Variants in PPP2R3A observed in about 807,000 individuals in gnomAD.
PPP2R3A encodes the protein serine/threonine-protein phosphatase 2A regulatory subunit B'' subunit alpha.
Under a neutral mutation model 106.9 loss-of-function variants are expected in PPP2R3A, and 80 were observed. That is an observed-to-expected ratio of 0.75 (90% CI 0.62 to 0.90). The LOEUF (loss-of-function observed/expected upper bound fraction) is 0.90, where lower values mean the gene tolerates loss of function less well. PPP2R3A is among the 40% of genes least tolerant of loss of function. The pLI is 0.00. For missense variants in PPP2R3A, 1,386 were observed against 1,350.4 expected (o/e 1.03, Z -0.41); for synonymous variants, 483 against 468.3 (o/e 1.03, Z -0.41).
intron 13 of PPP2R3A, among the ~76,000 whole-genome samples, chr3:136,111,359 G>T (rs1271808974): frequency 6.6e-6 from 1 of 151,782 alleles, no homozygotes; most frequent in African/African-American, 2.4e-5. Context: ...TTCACTAGAA[G>T]AATAAAAATA....
intron 13 of PPP2R3A, among the ~76,000 whole-genome samples, chr3:136,136,073 ATT>A (rs1491108128): frequency 0.02 from 347 of 17,722 alleles, 8 homozygotes; most frequent in Non-Finnish European, 0.05. Context: ...AAAAAAAAAA[ATT>A]ATATATATAT....
At chr3:135,993,048 A>G (rs1184124383) in intron 1 of PPP2R3A, among the ~76,000 whole-genome samples, 1 of 152,218 alleles carries the variant, frequency 6.6e-6, no homozygotes, top group Non-Finnish European at 1.5e-5. Flanking sequence ...TTAAGGTAGT[A>G]TATATAAATG....
At chr3:136,070,600 T>C in intron 6 of PPP2R3A, 48 bp downstream of exon 6, 2 of 1,465,972 alleles carry the variant, frequency 1.4e-6, no homozygotes, top group Non-Finnish European at 1.9e-6. Flanking sequence ...AAGTCACCTT[T>C]TTATTACCAT....
intron 13 of PPP2R3A, among the ~76,000 whole-genome samples, chr3:136,112,630 G>C (rs181591676): frequency 6.6e-6 from 1 of 152,172 alleles, no homozygotes; most frequent in African/African-American, 2.4e-5. Flanking sequence ...AGAAATCACA[G>C]ACAACATTAA....
chr3:136,127,352 A>G (rs1467725643), intron 13 of PPP2R3A, among the ~76,000 whole-genome samples: 1 of 152,196 alleles, frequency 6.6e-6, no homozygotes, highest in Non-Finnish European at 1.5e-5. Flanking sequence ...ACCATGGCAC[A>G]AGAACTTCCT....
At chr3:136,089,137 T>C (rs1204198005) in intron 9 of PPP2R3A, among the ~76,000 whole-genome samples, 1 of 152,308 alleles carries the variant, frequency 6.6e-6, no homozygotes, top group Admixed American at 6.5e-5. Context: ...TTTTGAGGAC[T>C]TAGCCATAAA....
chr3:136,102,742 C>A (rs1937409939), intron 11 of PPP2R3A, among the ~76,000 whole-genome samples: 1 of 152,108 alleles, frequency 6.6e-6, no homozygotes. Flanking sequence ...ACTAAGGATG[C>A]TGAGGTGGGA....
At chr3:136,129,085 A>G (rs1938298513) in intron 13 of PPP2R3A, among the ~76,000 whole-genome samples, 2 of 152,168 alleles carry the variant, frequency 1.3e-5, no homozygotes, top group African/African-American at 4.8e-5. Context: ...TAAAATCGAC[A>G]CCCTAACATC....
chr3:136,125,735 C>T (rs1938156011), intron 13 of PPP2R3A, among the ~76,000 whole-genome samples: 1 of 152,008 alleles, frequency 6.6e-6, no homozygotes, highest in East Asian at 1.9e-4. Flanking sequence ...CAATATAAAA[C>T]TTCTTATAAA....
intron 3 of PPP2R3A, 131 bp from the exon 4 acceptor site, chr3:136,040,728 C>T (rs1935237763): frequency 1.8e-6 from 1 of 568,428 alleles, no homozygotes; most frequent in Non-Finnish European, 3.0e-6. Flanking sequence ...TTCCTATGCT[C>T]CAGTTTTGTT....
chr3:136,134,442 C>A (rs1938530298), intron 13 of PPP2R3A, among the ~76,000 whole-genome samples: 1 of 152,104 alleles, frequency 6.6e-6, no homozygotes, highest in African/African-American at 2.4e-5. Flanking sequence ...AAATTCAAAG[C>A]AACACAAATG....
chr3:136,024,380 G>C (rs190821001), intron 2 of PPP2R3A, among the ~76,000 whole-genome samples: 46 of 152,132 alleles, frequency 3.0e-4, no homozygotes, highest in Admixed American at 2.9e-3. Context: ...CAAAATAAAT[G>C]CATTATTTTA....
chr3:135,967,176 T>C (rs1222510723), intron 1 of PPP2R3A, among the ~76,000 whole-genome samples: 2 of 152,164 alleles, frequency 1.3e-5, no homozygotes, highest in African/African-American at 4.8e-5. Context: ...ATGAGATACT[T>C]GTGGAAAAAA....
chr3:136,123,612 A>G (rs1354218829), intron 13 of PPP2R3A, among the ~76,000 whole-genome samples: 1 of 152,224 alleles, frequency 6.6e-6, no homozygotes, highest in Non-Finnish European at 1.5e-5. Flanking sequence ...AAGAACATAA[A>G]TATTGTCCAG....
chr3:136,030,914 T>C (rs1014921941), intron 3 of PPP2R3A, among the ~76,000 whole-genome samples: 5 of 151,960 alleles, frequency 3.3e-5, no homozygotes, highest in African/African-American at 1.2e-4. Context: ...AATTGCGAAT[T>C]GTGCTGCTAT....
intron 6 of PPP2R3A, among the ~76,000 whole-genome samples, chr3:136,077,523 A>G (rs1364785517): frequency 1.3e-5 from 2 of 149,502 alleles, no homozygotes; most frequent in East Asian, 4.0e-4. Context: ...AAAAAAATAA[A>G]GCTGCTCAAA....
intron 5 of PPP2R3A, among the ~76,000 whole-genome samples, chr3:136,064,571 T>C (rs763553139): frequency 1.6e-4 from 24 of 152,128 alleles, no homozygotes; most frequent in Non-Finnish European, 3.1e-4. Flanking sequence ...GAAAATTGTT[T>C]CCATAATTTT....
intron 1 of PPP2R3A, among the ~76,000 whole-genome samples, chr3:135,983,171 A>C (rs2107762095): frequency 6.6e-6 from 1 of 152,364 alleles, no homozygotes; most frequent in East Asian, 1.9e-4. Context: ...ATCAGCTCAA[A>C]GTAATCTGCA....
In PPP2R3A at chr3:136,026,929, A is replaced by G; in HGVS notation, c.2093A>G (p.Asn698Ser). ...CCTCTCTCCCCGGTTCCCCATGTGA[A>G]TAATGTTGTGAATGCGCCATTGTCC... is the stretch of plus-strand genomic sequence containing the variant. ...PRPLSPVPHVNNVVNAPLSIN... is the reference protein window; with the variant it reads ...PRPLSPVPHVSNVVNAPLSIN... The change falls in exon 3 of 14, where the codon AAT becomes AGT. Residue 698 changes from asparagine to serine, a missense_variant. By Grantham distance (46) the Asn-to-Ser change is conservative. Coordinates refer to ENST00000264977, the MANE Select transcript of PPP2R3A (RefSeq NM_002718.5). The G allele has an allele frequency of 1.2e-6, 2 of 1,613,662 alleles. No individual in the cohort carries two copies. The highest frequency in any genetic ancestry group is 8.5e-7 in the Non-Finnish European group (1 of 1,179,660).
Sources: allele counts gnomAD v4.1 joint callset (sites outside exome capture counted in the v4.1 genomes callset), GRCh38; gene constraint gnomAD v4.1.1; transcripts MANE v1.5; gene names NCBI Gene and HGNC (gene_info 2026-07-23, HGNC 2026-07-21).